Variants in RIMBP2 observed in about 807,000 individuals in gnomAD.
The protein encoded by RIMBP2 is RIMS-binding protein 2.
In RIMBP2, 48 loss-of-function variants were observed where a neutral mutation model predicts 118.6. The observed-to-expected ratio is 0.40, with a 90% CI of 0.32 to 0.51. The LOEUF is 0.51. RIMBP2 is among the 20% of genes least tolerant of loss of function. RIMBP2 has a pLI of 0.41. For missense variants in RIMBP2, 1,551 were observed against 1,768.3 expected (o/e 0.88, Z 2.20); for synonymous variants, 762 against 742.9 (o/e 1.03, Z -0.42).
In RIMBP2 at chr12:130,475,894, G is replaced by GC. The variant is rs1195140450; in HGVS notation, c.102+3017dup. 6.6e-6 allele frequency among the ~76,000 whole-genome samples: 1 copy of GC among 152,022 alleles called. No homozygotes were observed. Among genetic ancestry groups the GC allele is most frequent in the Non-Finnish European group, 1.5e-5 (1 of 68,002 alleles). ...TTCTGTGTGGGACGTGGCGTCCGAG[G>GC]CCCCCCAAGCAGTGGTGTCAAGCAG... On this transcript the variant is annotated intron_variant, in intron 5 of 22. Coordinates refer to ENST00000690449, the MANE Select transcript of RIMBP2 (RefSeq NM_001393629.1). The surrounding 1 kb of genome is among the most constrained non-coding windows in gnomAD (Gnocchi z 4.1).
At chr12:130,455,832 C>T (rs1204716045) in intron 7 of RIMBP2, among the ~76,000 whole-genome samples, 2 of 152,090 alleles carry the variant, frequency 1.3e-5, no homozygotes, top group Non-Finnish European at 2.9e-5. Flanking sequence ...CTCTGCATCC[C>T]ACTTAACCTT....
At chr12:130,485,393 C>T (rs1201687847) in intron 4 of RIMBP2, among the ~76,000 whole-genome samples, 2 of 152,216 alleles carry the variant, frequency 1.3e-5, no homozygotes, top group Non-Finnish European at 2.9e-5. Context: ...AATGTCAGAA[C>T]TCACAGCCAG....
chr12:130,456,446 A>G, intron 7 of RIMBP2, 50 bp downstream of exon 7: 1 of 1,494,680 alleles, frequency 6.7e-7, no homozygotes, highest in Non-Finnish European at 9.0e-7. Flanking sequence ...CAGGCAGCCA[A>G]CGGCCATTCT....
chr12:130,612,567 G>A (rs2060622845), intron 2 of RIMBP2, among the ~76,000 whole-genome samples: 1 of 152,194 alleles, frequency 6.6e-6, no homozygotes, highest in Non-Finnish European at 1.5e-5. Flanking sequence ...AGCACATTAT[G>A]GGAAAATGGT....
intron 4 of RIMBP2, among the ~76,000 whole-genome samples, chr12:130,480,125 G>A (rs1271756612): frequency 6.6e-6 from 1 of 151,722 alleles, no homozygotes; most frequent in Non-Finnish European, 1.5e-5. Context: ...CATTTCCTGG[G>A]GTCCCCAAGC....
At chr12:130,615,913 A>G (rs1237547947) in intron 2 of RIMBP2, among the ~76,000 whole-genome samples, 1 of 152,090 alleles carries the variant, frequency 6.6e-6, no homozygotes, top group Non-Finnish European at 1.5e-5. Context: ...GACAAGCTAC[A>G]TGGAGAAGTC....
chr12:130,485,268 A>T (rs2082380833), intron 4 of RIMBP2, among the ~76,000 whole-genome samples: 2 of 152,258 alleles, frequency 1.3e-5, no homozygotes, highest in Admixed American at 1.3e-4. Context: ...TTGCCCAGGC[A>T]CTGTGTCATT....
At chr12:130,510,686 CTTG>C (rs1315595808) in intron 3 of RIMBP2, among the ~76,000 whole-genome samples, 5 of 152,168 alleles carry the variant, frequency 3.3e-5, no homozygotes, top group African/African-American at 1.2e-4. Context: ...CCAGGCTGGT[CTTG>C]AACTCCTGAC....
At chr12:130,645,979 A>C (rs1255925245) in intron 1 of RIMBP2, among the ~76,000 whole-genome samples, 4 of 151,982 alleles carry the variant, frequency 2.6e-5, no homozygotes, top group African/African-American at 9.7e-5. Context: ...GAAAGAAAAA[A>C]CCCAGGGAAC....
chr12:130,487,742 A>G (rs1392277936), intron 4 of RIMBP2, among the ~76,000 whole-genome samples: 1 of 152,278 alleles, frequency 6.6e-6, no homozygotes, highest in East Asian at 1.9e-4. Flanking sequence ...TGTCCATGAG[A>G]ACCACAGGAT....
chr12:130,682,337 G>A (rs2136563801), intron 1 of RIMBP2, among the ~76,000 whole-genome samples: 1 of 152,372 alleles, frequency 6.6e-6, no homozygotes, highest in Non-Finnish European at 1.5e-5. Flanking sequence ...CAAGATGGAA[G>A]AAACCTGGGT....
At chr12:130,619,042 A>C (rs2061138000) in intron 2 of RIMBP2, among the ~76,000 whole-genome samples, 1 of 152,192 alleles carries the variant, frequency 6.6e-6, no homozygotes. Context: ...CACACCCCTT[A>C]CTTTATAGCA....
In RIMBP2 at chr12:130,615,272, C is replaced by CACATATATATAT. The variant is rs1429575646; in HGVS notation, c.-217+13049_-217+13050insATATATATATGT. 1.6e-3 allele frequency among the ~76,000 whole-genome samples: 63 copies of CACATATATATAT among 38,774 alleles called. 1 individual carries two copies. Among genetic ancestry groups the CACATATATATAT allele is most frequent in the Middle Eastern group, 0.033 (2 of 60 alleles). The allele number at this position is 38,774 out of a possible 152,430, so 25.4% of individuals were successfully genotyped here. On this transcript the variant is annotated intron_variant, in intron 2 of 22. Transcript: ENST00000690449. ...TAATTATGTATATATACATAATACA[C>CACATATATATAT]ATACATATATATATATATATATATG...
intron 3 of RIMBP2, among the ~76,000 whole-genome samples, chr12:130,513,820 A>C (rs558889937): frequency 1.7e-4 from 26 of 152,232 alleles, no homozygotes; most frequent in Non-Finnish European, 3.5e-4. Context: ...ATTAATTTCC[A>C]TCTCTTAATC....
chr12:130,479,439 A>C (rs2081753463), intron 4 of RIMBP2, among the ~76,000 whole-genome samples: 1 of 152,172 alleles, frequency 6.6e-6, no homozygotes, highest in Non-Finnish European at 1.5e-5. Flanking sequence ...ATCTGCATTT[A>C]AGTCATATCA....
rs766983060 is a variant in RIMBP2, at chr12:130,446,335, T to C, written c.582-1066A>G. ...ACACTTTCATACACGTTTTATTCGA[T>C]GGCCATTAAATGTTAGGAAAACAGA... On this transcript the variant is annotated intron_variant, in intron 9 of 22. Coordinates refer to ENST00000690449, the MANE Select transcript of RIMBP2 (RefSeq NM_001393629.1). This position sits in a 1 kb window ranked among gnomAD's most constrained non-coding sequence, Gnocchi z 4.1. Among the ~76,000 whole-genome samples, 1 of 152,216 alleles carries C rather than the reference T, an allele frequency of 6.6e-6. No homozygotes were observed. Among genetic ancestry groups the C allele is most frequent in the Non-Finnish European group, 1.5e-5 (1 of 68,040 alleles).
At chr12:130,488,008 C>T (rs2082626349) in intron 4 of RIMBP2, among the ~76,000 whole-genome samples, 1 of 152,272 alleles carries the variant, frequency 6.6e-6, no homozygotes, top group African/African-American at 2.4e-5. Flanking sequence ...GCTCCATTTC[C>T]GTGTGTGCAC....
At position 130,434,954 on chromosome 12, in the gene RIMBP2, C is replaced by G; in HGVS notation, c.2107-74G>C. ...TACGCTCAGCCCCACCTGCATTCAC[C>G]AAACCTTCAGCCCCTCAGAGCCTGG... On this transcript the variant is annotated intron_variant, in intron 13 of 22. Coordinates refer to ENST00000690449, the MANE Select transcript of RIMBP2 (RefSeq NM_001393629.1). The surrounding 1 kb of genome is among the most constrained non-coding windows in gnomAD (Gnocchi z 5.7). 9 of 1,484,636 alleles carry G rather than the reference C, an allele frequency of 6.1e-6. No homozygotes were observed. The highest frequency in any genetic ancestry group is 8.1e-6 in the Non-Finnish European group (9 of 1,107,660). The allele number at this position is 1,484,636 out of a possible 1,614,324, so 92.0% of individuals were successfully genotyped here.
chr12:130,594,691 G>T (rs530673823), intron 2 of RIMBP2, among the ~76,000 whole-genome samples: 1 of 150,034 alleles, frequency 6.7e-6, no homozygotes, highest in South Asian at 2.1e-4. Flanking sequence ...TAAGGGGGGG[G>T]TGTGGGTATG....
Sources: gnomAD v4.1 joint callset for allele counts (sites outside exome capture counted in the v4.1 genomes callset) on GRCh38, gnomAD v4.1.1 for gene constraint, Gnocchi (gnomAD v3.1) non-coding constraint, MANE v1.5 for transcripts, NCBI Gene and HGNC (gene_info 2026-07-23, HGNC 2026-07-21) for gene names.